POU6F2: variants seen among roughly 807,000 people sequenced by gnomAD.
The protein encoded by POU6F2 is POU domain, class 6, transcription factor 2.
POU6F2 carries 31 observed loss-of-function variants against 71.3 expected under a neutral mutation model. The observed-to-expected ratio is 0.43, with a 90% CI of 0.33 to 0.59. The LOEUF (loss-of-function observed/expected upper bound fraction) is 0.59, where lower values mean the gene tolerates loss of function less well. Among genes scored for constraint, POU6F2 ranks in the 20% least tolerant of loss-of-function variants. The probability of loss-of-function intolerance (pLI) is 0.04; values close to 1 mark genes in which losing one functional copy is unlikely to be tolerated. For synonymous variants in POU6F2, 347 were observed against 355.7 expected, an observed-to-expected ratio of 0.98 and a Z score of 0.27; for missense variants, 783 against 856.8, an observed-to-expected ratio of 0.91 and a Z score of 1.07.
intron 1 of POU6F2, among the ~76,000 whole-genome samples, chr7:39,016,450 A>G (rs1049222965): frequency 5.3e-5 from 8 of 151,924 alleles, no homozygotes; most frequent in Admixed American, 1.3e-4. Context: ...TTCTGCTCCA[A>G]AAAGCTCATA....
chr7:39,024,782 G>A (rs1418549775), intron 1 of POU6F2, among the ~76,000 whole-genome samples: 1 of 151,940 alleles, frequency 6.6e-6, no homozygotes, highest in Non-Finnish European at 1.5e-5. Flanking sequence ...TTTGTCTTTG[G>A]TTCTGTTTAT....
chr7:39,070,312 C>A (rs745878357), intron 1 of POU6F2, among the ~76,000 whole-genome samples: 9 of 152,002 alleles, frequency 5.9e-5, no homozygotes, highest in Non-Finnish European at 8.8e-5. Context: ...GCCCAGTAAA[C>A]CTTTTAAAAT....
chr7:39,295,546 G>T (rs1784829924), intron 4 of POU6F2, among the ~76,000 whole-genome samples: 1 of 152,222 alleles, frequency 6.6e-6, no homozygotes, highest in South Asian at 2.1e-4. Flanking sequence ...AACCTGGGAG[G>T]TGGAGGTTGC....
At chr7:39,238,405 C>T (rs781610330) in intron 4 of POU6F2, among the ~76,000 whole-genome samples, 7 of 152,068 alleles carry the variant, frequency 4.6e-5, no homozygotes, top group African/African-American at 7.2e-5. Flanking sequence ...TTCAGTCTGC[C>T]GGCGGAATCT....
At chr7:39,345,163 A>G (rs1266072599) in intron 5 of POU6F2, among the ~76,000 whole-genome samples, 1 of 152,216 alleles carries the variant, frequency 6.6e-6, no homozygotes, top group Non-Finnish European at 1.5e-5. Context: ...ATGAACATTT[A>G]GTGATCATGA....
Position 39,291,525 on chromosome 7 carries a change from A to G in POU6F2, c.599-48117A>G, listed in dbSNP as rs567568505. Among the ~76,000 whole-genome samples the G allele has an allele frequency of 7.9e-5, 12 of 152,344 alleles. No individual in the cohort carries two copies. The East Asian group carries it at 1.7e-3, about 22-fold the overall frequency. ...TTTAGACCGGCTATGATTTAATTAC[A>G]TTTTTGTTCATTCAAACATTTATAC... On this transcript the variant is annotated intron_variant, in intron 4 of 9. Coordinates refer to ENST00000518318, the MANE Select transcript of POU6F2 (RefSeq NM_001370959.1).
chr7:39,406,752 A>G lies in POU6F2; in HGVS notation c.1113+12A>G. On this transcript the variant is annotated intron_variant, in intron 6 of 9. Transcript: ENST00000518318. The stretch of plus-strand genomic sequence containing the variant: ...ATGCACAAGGACAGGTGAGTGGGAG[A>G]TGGGAACAAGAGTGCATTTTTATGG... 1.2e-6 allele frequency: 2 copies of G among 1,612,876 alleles called. No homozygotes were observed. Among genetic ancestry groups the G allele is most frequent in the Non-Finnish European group, 1.7e-6 (2 of 1,179,864 alleles).
intron 4 of POU6F2, among the ~76,000 whole-genome samples, chr7:39,255,128 T>C (rs1001724563): frequency 6.6e-6 from 1 of 152,192 alleles, no homozygotes; most frequent in Non-Finnish European, 1.5e-5. Flanking sequence ...GAAAAGTTAG[T>C]TTGAAGCATT....
chr7:39,453,066 T>C (rs1035354176), intron 8 of POU6F2, among the ~76,000 whole-genome samples: 1 of 152,178 alleles, frequency 6.6e-6, no homozygotes, highest in African/African-American at 2.4e-5. Flanking sequence ...CACTCCAGCC[T>C]GGGCAGCAAG....
Position 39,419,085 on chromosome 7 carries a change from G to GTA in POU6F2, c.1113+12349_1113+12350dup, listed in dbSNP as rs202136615. The stretch of plus-strand genomic sequence containing the variant: ...TACACATATATACACACATATATAC[G>GTA]TATATGTGTATATATACACATATAT... On this transcript the variant is annotated intron_variant, in intron 6 of 9. Transcript: ENST00000518318. Among the ~76,000 whole-genome samples, 273 of 135,850 alleles carry GTA rather than the reference G, an allele frequency of 2.0e-3. 1 individual carries two copies. Among genetic ancestry groups the GTA allele is most frequent in the Admixed American group, 3.7e-3 (51 of 13,684 alleles). 89.1% of individuals were successfully genotyped at this position (135,850 alleles called of 152,430 possible).
chr7:39,323,381 A>G (rs895094704), intron 4 of POU6F2, among the ~76,000 whole-genome samples: 12 of 152,208 alleles, frequency 7.9e-5, no homozygotes, highest in Admixed American at 6.5e-4. Context: ...AAAATGGACA[A>G]TACATATTTT....
At chr7:39,288,012 A>T (rs1451086649) in intron 4 of POU6F2, among the ~76,000 whole-genome samples, 1 of 152,174 alleles carries the variant, frequency 6.6e-6, no homozygotes, top group Non-Finnish European at 1.5e-5. Context: ...AGGCATGTAA[A>T]GGGTAAATGG....
intron 1 of POU6F2, among the ~76,000 whole-genome samples, chr7:39,032,746 A>G (rs1239517198): frequency 1.3e-5 from 2 of 152,108 alleles, no homozygotes; most frequent in East Asian, 3.9e-4. Context: ...CCTCGCTACC[A>G]CACAGGCCAT....
intron 1 of POU6F2, chr7:39,085,178 T>A (rs1313269803): frequency 6.6e-6 from 1 of 152,214 alleles, no homozygotes; most frequent in East Asian, 1.9e-4. Flanking sequence ...AATTTTCGTG[T>A]ATTGTGTTGT....
chr7:39,428,376 A>C (rs1401104695), intron 6 of POU6F2, among the ~76,000 whole-genome samples: 1 of 152,340 alleles, frequency 6.6e-6, no homozygotes, highest in East Asian at 1.9e-4. Flanking sequence ...GTCACAAATT[A>C]TTATTACAAT....
chr7:39,445,726 T>G (rs1481925800), intron 7 of POU6F2, among the ~76,000 whole-genome samples: 4 of 152,216 alleles, frequency 2.6e-5, no homozygotes, highest in Non-Finnish European at 5.9e-5. Flanking sequence ...TCTCAGCAAA[T>G]TTAATTTGTG....
chr7:39,304,469 GTA>G (rs1216241468), intron 4 of POU6F2, among the ~76,000 whole-genome samples: 2 of 152,028 alleles, frequency 1.3e-5, no homozygotes, highest in Non-Finnish European at 2.9e-5. Flanking sequence ...AGAAGTATGT[GTA>G]TCACAAGATC....
intron 4 of POU6F2, among the ~76,000 whole-genome samples, chr7:39,209,971 A>G (rs1190006916): frequency 1.3e-5 from 2 of 152,316 alleles, no homozygotes; most frequent in East Asian, 1.9e-4. Flanking sequence ...TAAATGGACT[A>G]TCAGTACCTT....
chr7:39,060,010 C>A (rs763591080), intron 1 of POU6F2, among the ~76,000 whole-genome samples: 1 of 152,056 alleles, frequency 6.6e-6, no homozygotes, highest in African/African-American at 2.4e-5. Flanking sequence ...GAGTTTGAGA[C>A]CAGCCTGGCC....
Sources: gnomAD v4.1 joint callset for allele counts (sites outside exome capture counted in the v4.1 genomes callset) on GRCh38, gnomAD v4.1.1 for gene constraint, MANE v1.5 for transcripts, NCBI Gene and HGNC (gene_info 2026-07-23, HGNC 2026-07-21) for gene names.